The following NLRP9 variants were observed in gnomAD, a reference collection of about 807,000 sequenced individuals.
NLRP9 encodes the protein NACHT, LRR and PYD domains-containing protein 9.
In NLRP9, 88 loss-of-function variants were observed where a neutral mutation model predicts 83.1. The observed-to-expected ratio is 1.06, with a 90% confidence interval of 0.89 to 1.26. The LOEUF is 1.26. Among genes scored for constraint, NLRP9 ranks in the 50% most tolerant of loss-of-function variants. The pLI is 0.00. For missense variants in NLRP9, 1,308 were observed against 1,179.3 expected (o/e 1.11, Z -1.60); for synonymous variants, 521 against 447.6 (o/e 1.16, Z -2.07).
intron 3 of NLRP9, among the ~76,000 whole-genome samples, chr19:55,729,397 C>CA (rs1303388191): frequency 6.6e-6 from 1 of 152,088 alleles, no homozygotes; most frequent in African/African-American, 2.4e-5. Flanking sequence ...CCCCCCACCC[C>CA]ACAACAGGCT....
intron 2 of NLRP9, among the ~76,000 whole-genome samples, chr19:55,731,693 C>T (rs1042056877): frequency 2.7e-5 from 4 of 148,778 alleles, no homozygotes; most frequent in Admixed American, 6.8e-5. Flanking sequence ...CACTGCACTC[C>T]AGCCTGGGTG....
chr19:55,731,664 C>T (rs1015578220), intron 2 of NLRP9, among the ~76,000 whole-genome samples: 16 of 146,790 alleles, frequency 1.1e-4, no homozygotes, highest in Non-Finnish European at 2.1e-4. Flanking sequence ...GTGGAGGTTG[C>T]AGTAGGCCGA....
intron 3 of NLRP9, among the ~76,000 whole-genome samples, chr19:55,726,530 T>C (rs994228504): frequency 2.6e-5 from 4 of 152,208 alleles, no homozygotes; most frequent in African/African-American, 7.2e-5. Flanking sequence ...TATTGATCCA[T>C]CTGTTATTAG....
chr19:55,718,930 G>A (rs1462967672), intron 4 of NLRP9, among the ~76,000 whole-genome samples: 2 of 152,176 alleles, frequency 1.3e-5, no homozygotes, highest in African/African-American at 4.8e-5. Flanking sequence ...CTATCTGGCT[G>A]CACATCTGTA....
intron 1 of NLRP9, among the ~76,000 whole-genome samples, chr19:55,733,881 CCCAGGTCTTTAGATAAACTCAA>C (rs1263280058): frequency 1.5e-4 from 22 of 151,524 alleles, no homozygotes; most frequent in Admixed American, 1.1e-3. Flanking sequence ...TTATTTTGAT[CCCAGGTCTTTAGATAAACTCAA>C]CCAGTTGTCA....
intron 8 of NLRP9, among the ~76,000 whole-genome samples, chr19:55,710,387 T>C (rs1987663081): frequency 6.6e-6 from 1 of 152,154 alleles, no homozygotes; most frequent in Non-Finnish European, 1.5e-5. Context: ...AGGGCCTTTA[T>C]GTTTTGCTGT....
chr19:55,712,272 G>C, intron 7 of NLRP9, 148 bp downstream of exon 7: 1 of 717,022 alleles, frequency 1.4e-6, no homozygotes, highest in Non-Finnish European at 2.3e-6. Context: ...CCAAGACTGA[G>C]CAAACCCTGG....
At chr19:55,713,236 A>G (rs1260086473) in intron 6 of NLRP9, among the ~76,000 whole-genome samples, 1 of 151,250 alleles carries the variant, frequency 6.6e-6, no homozygotes, top group Non-Finnish European at 1.5e-5. Context: ...CATGTGTCCA[A>G]TCCCTCTCCA....
At position 55,732,921 on chromosome 19, in the gene NLRP9, T is replaced by C; in HGVS notation, c.910A>G (p.Lys304Glu). The C allele has an allele frequency of 6.2e-7, 1 of 1,614,022 alleles. No individual in the cohort carries two copies. The highest frequency in any genetic ancestry group is 8.5e-7 in the Non-Finnish European group (1 of 1,180,002). Residue 304 changes from lysine to glutamate, a missense_variant, in exon 2 of 9, where the codon AAG (lysine) becomes GAG (glutamate). By Grantham distance (56) the Lys-to-Glu change is moderately conservative (BLOSUM62 1). Transcript: ENST00000332836. ...KLLGFSESEK[K>E]SYFSYFFGEK... ...CCAAAGAAGTAGGAGAAATACGACT[T>C]CTTTTCAGATTCACTGAATCCTAAG...
In NLRP9 at chr19:55,733,954, G is replaced by T. The variant is rs572876981; in HGVS notation, c.281-404C>A. Among the ~76,000 whole-genome samples, 456 of 123,760 alleles carry T rather than the reference G, an allele frequency of 3.7e-3. 2 individuals carry two copies. The highest frequency in any genetic ancestry group is 5.6e-3 in the Non-Finnish European group (359 of 64,628). The allele number at this position is 123,760 out of a possible 152,430, so 81.2% of individuals were successfully genotyped here. On this transcript the variant is annotated intron_variant, in intron 1 of 8. Coordinates refer to ENST00000332836, the MANE Select transcript of NLRP9 (RefSeq NM_176820.4). The stretch of plus-strand genomic sequence containing the variant: ...TTTTTTTTTTTTGAGACGGAGTCTC[G>T]CTCTGTCGCCCAGGCTGGAGTGCAG...
rs767417139 is a variant in NLRP9, at chr19:55,733,072, C to T, written c.759G>A (p.Met253Ile). Residue 253 changes from methionine to isoleucine, a missense_variant, in exon 2 of 9, where the codon ATG becomes ATA. By Grantham distance (10) the Met-to-Ile change is conservative. Coordinates refer to ENST00000332836, the MANE Select transcript of NLRP9 (RefSeq NM_176820.4). ...LSDDWRQRQP[M>I]PIILSSLLQK... ...GCAACAAACTGCTCAGGATAATTGGCATTGGCTGCCGCTGCCTCCAATCAT... is the reference window on the plus strand; with the variant it reads ...GCAACAAACTGCTCAGGATAATTGGTATTGGCTGCCGCTGCCTCCAATCAT... The T allele has an allele frequency of 1.2e-6, 2 of 1,613,828 alleles. No homozygotes were observed. Among genetic ancestry groups the T allele is most frequent in the East Asian group, 2.2e-5 (1 of 44,890 alleles).
In NLRP9 at chr19:55,733,284, A is replaced by C. The variant is rs371621912; in HGVS notation, c.547T>G (p.Phe183Val). ...NLWKDRFTFV[F>V]FLNVCEMNGI... is the part of the protein sequence containing the mutation. ...TTCATTTCACAGACATTGAGGAAAA[A>C]CACAAATGTGAACCTGTCCTTCCAT... Residue 183 changes from phenylalanine (F) to valine (V), a missense_variant, in exon 2 of 9, where the codon TTT becomes GTT. Transcript: ENST00000332836. 7.4e-5 allele frequency: 120 copies of C among 1,613,944 alleles called. No individual in the cohort carries two copies. The highest frequency in any genetic ancestry group is 9.9e-5 in the Non-Finnish European group (117 of 1,179,958).
At position 55,732,070 on chromosome 19, in the gene NLRP9, A is replaced by G. The variant is rs775793390; in HGVS notation, c.1761T>C (p.His587=). Residue 587 remains histidine (H), a synonymous_variant, in exon 2 of 9, where the codon CAT becomes CAC. Transcript: ENST00000332836. ...HLVIASFCLK[H]CQHLTTLRMC... The stretch of plus-strand genomic sequence containing the variant: ...TGCGAAGTGTCGTTAAATGTTGACA[A>G]TGCTTCAGGCAGAATGAAGCTATTA... 2.4e-5 allele frequency: 38 copies of G among 1,607,232 alleles called. No homozygotes were observed. The highest frequency in any genetic ancestry group is 3.1e-5 in the Non-Finnish European group (37 of 1,178,070).
chr19:55,710,563 C>T (rs1208796495), intron 8 of NLRP9, among the ~76,000 whole-genome samples: 1 of 152,098 alleles, frequency 6.6e-6, no homozygotes, highest in African/African-American at 2.4e-5. Context: ...AGCACCATCC[C>T]TTTGGTGCTG....
chr19:55,715,726 T>A (rs1987983062), intron 5 of NLRP9, among the ~76,000 whole-genome samples: 2 of 151,768 alleles, frequency 1.3e-5, no homozygotes, highest in African/African-American at 4.8e-5. Flanking sequence ...CACCTACAGA[T>A]GTACAGAAAG....
chr19:55,734,632 T>C (rs548663569), intron 1 of NLRP9, among the ~76,000 whole-genome samples: 5 of 105,494 alleles, frequency 4.7e-5, no homozygotes, highest in Admixed American at 2.9e-4. Context: ...TATATATATA[T>C]ATATATTTTT....
At chr19:55,726,873 A>G (rs1988418509) in intron 3 of NLRP9, among the ~76,000 whole-genome samples, 1 of 152,208 alleles carries the variant, frequency 6.6e-6, no homozygotes. Context: ...ACATTTTTCA[A>G]TTTCAAGGCA....
In NLRP9 at chr19:55,732,090, C is replaced by A. The variant is rs1988590272; in HGVS notation, c.1741G>T (p.Ala581Ser). The change falls in exon 2 of 9, where the codon GCT (alanine) becomes TCT (serine). Residue 581 changes from alanine (A) to serine (S), a missense_variant. By Grantham distance (99) the Ala-to-Ser change is moderately conservative (BLOSUM62 1). Transcript: ENST00000332836. Reference protein sequence around the residue: ...YIGNIEHLVIASFCLKHCQHL... With the variant: ...YIGNIEHLVISSFCLKHCQHL... ...TGACAATGCTTCAGGCAGAATGAAG[C>A]TATTACCAAATGTTCTATGTTACCA... 1 of 1,611,420 alleles carries A rather than the reference C, an allele frequency of 6.2e-7. No individual in the cohort carries two copies. Among genetic ancestry groups the A allele is most frequent in the Admixed American group, 1.7e-5 (1 of 59,374 alleles).
intron 4 of NLRP9, among the ~76,000 whole-genome samples, chr19:55,722,700 A>G (rs1481113876): frequency 1.3e-5 from 2 of 152,340 alleles, no homozygotes; most frequent in African/African-American, 4.8e-5. Context: ...ATGCACATGT[A>G]TGTTTACTGC....
Sources: allele counts gnomAD v4.1 joint callset (sites outside exome capture counted in the v4.1 genomes callset), GRCh38; gene constraint gnomAD v4.1.1; transcripts MANE v1.5; gene names NCBI Gene and HGNC (gene_info 2026-07-23, HGNC 2026-07-21).